The following LRBA variants were observed in gnomAD, a reference collection of about 807,000 sequenced individuals.
LRBA encodes lipopolysaccharide-responsive and beige-like anchor protein.
LRBA carries 176 observed loss-of-function variants against 330.0 expected under a neutral mutation model. The ratio of observed to expected loss-of-function variants is 0.53; its 90% CI spans 0.47 to 0.60. The LOEUF is 0.60. LRBA is among the 20% of genes least tolerant of loss of function. The probability of loss-of-function intolerance (pLI) is 0.00; values close to 1 mark genes in which losing one functional copy is unlikely to be tolerated. For missense variants in LRBA, 3,259 were observed against 3,444.8 expected (o/e 0.95, Z 1.35); for synonymous variants, 1,230 against 1,193.0 (o/e 1.03, Z -0.64).
At chr4:150,915,504 G>T in intron 8 of LRBA, 104 bp downstream of exon 8, 1 of 986,860 alleles carries the variant, frequency 1.0e-6, no homozygotes, top group Non-Finnish European at 1.5e-6. Context: ...ATCTACCATT[G>T]TAATACTTTG....
rs1386796285 is a variant in LRBA, at chr4:150,265,206, T to C, written c.*516A>G. On this transcript the variant is annotated 3_prime_UTR_variant, in exon 57 of 57. Coordinates refer to ENST00000651943, the MANE Select transcript of LRBA (RefSeq NM_001364905.1). ...GAACAATATTGATAGACAGACTTAA[T>C]TGAGATGTTTTAAATTACATTTACC... The C allele has an allele frequency of 6.4e-6, 1 of 155,182 alleles. No individual in the cohort carries two copies. Among genetic ancestry groups the C allele is most frequent in the Non-Finnish European group, 1.4e-5 (1 of 69,564 alleles). The allele number at this position is 155,182 out of a possible 1,614,324, so 9.6% of individuals were successfully genotyped here. A position where few individuals can be genotyped will look rare whatever the true frequency, so the allele number is the denominator to read the frequency against.
At chr4:150,437,224 A>G (rs1011288109) in intron 44 of LRBA, among the ~76,000 whole-genome samples, 2 of 152,082 alleles carry the variant, frequency 1.3e-5, no homozygotes, top group Admixed American at 6.6e-5. Context: ...GTTAATTAGA[A>G]GCAACAACCA....
intron 47 of LRBA, among the ~76,000 whole-genome samples, chr4:150,409,241 C>T (rs6849869): frequency 0.15 from 22,859 of 151,946 alleles, 1,723 homozygotes; most frequent in Middle Eastern, 0.17. Flanking sequence ...AGGTCCTTCC[C>T]GTACAGCATT....
At chr4:150,604,618 T>C (rs1221835943) in intron 37 of LRBA, among the ~76,000 whole-genome samples, 4 of 151,720 alleles carry the variant, frequency 2.6e-5, no homozygotes, top group Non-Finnish European at 5.9e-5. Flanking sequence ...ATAATAAGAA[T>C]TCAAAAAAGT....
chr4:150,753,203 C>A (rs1361367527), intron 35 of LRBA, among the ~76,000 whole-genome samples: 1 of 152,166 alleles, frequency 6.6e-6, no homozygotes, highest in Non-Finnish European at 1.5e-5. Flanking sequence ...TCTCATATCA[C>A]TTATCTCCTG....
At chr4:150,443,853 A>AAAAAAAAATAT (rs70941406) in intron 44 of LRBA, among the ~76,000 whole-genome samples, 1 of 75,482 alleles carries the variant, frequency 1.3e-5, no homozygotes, top group Non-Finnish European at 3.0e-5. Flanking sequence ...TAATTAAAAA[A>AAAAAAAAATAT]ATATATATAT....
intron 37 of LRBA, among the ~76,000 whole-genome samples, chr4:150,644,660 A>G (rs984665000): frequency 6.6e-6 from 1 of 152,048 alleles, no homozygotes; most frequent in African/African-American, 2.4e-5. Context: ...ATAATGTTCC[A>G]TTGTTGTTTA....
At chr4:150,880,436 C>T (rs1728235672) in intron 17 of LRBA, among the ~76,000 whole-genome samples, 1 of 151,520 alleles carries the variant, frequency 6.6e-6, no homozygotes, top group Non-Finnish European at 1.5e-5. Context: ...GGGAAGATCG[C>T]TTCAGATGCA....
At chr4:150,341,937 A>G (rs932935762) in intron 48 of LRBA, among the ~76,000 whole-genome samples, 1 of 151,518 alleles carries the variant, frequency 6.6e-6, no homozygotes, top group African/African-American at 2.4e-5. Flanking sequence ...ATGCCTATAG[A>G]TATGATTATA....
chr4:150,763,100 A>G (rs985362663), intron 34 of LRBA, among the ~76,000 whole-genome samples: 8 of 152,040 alleles, frequency 5.3e-5, no homozygotes, highest in Non-Finnish European at 1.0e-4. Context: ...TAGTATAACT[A>G]TGCTAACAGA....
intron 37 of LRBA, among the ~76,000 whole-genome samples, chr4:150,650,990 T>G (rs1007474550): frequency 6.6e-6 from 1 of 152,050 alleles, no homozygotes; most frequent in Non-Finnish European, 1.5e-5. Flanking sequence ...CTAAGAAAAT[T>G]TGTGGGGAGA....
intron 40 of LRBA, among the ~76,000 whole-genome samples, chr4:150,525,837 A>G (rs779598933): frequency 2.6e-5 from 4 of 152,162 alleles, no homozygotes; most frequent in African/African-American, 9.6e-5. Flanking sequence ...ACAGACATAC[A>G]TCTCTTTCCA....
chr4:150,879,063 A>G (rs1728079395), intron 17 of LRBA, among the ~76,000 whole-genome samples: 1 of 152,112 alleles, frequency 6.6e-6, no homozygotes, highest in African/African-American at 2.4e-5. Flanking sequence ...GCAGAGACAC[A>G]ACGAAAAAGA....
intron 37 of LRBA, among the ~76,000 whole-genome samples, chr4:150,620,296 C>CA (rs1321396071): frequency 6.6e-6 from 1 of 152,012 alleles, no homozygotes; most frequent in East Asian, 1.9e-4. Flanking sequence ...ATTAAAAAGT[C>CA]AAAAAACAGT....
intron 40 of LRBA, among the ~76,000 whole-genome samples, chr4:150,554,077 A>C (rs551523537): frequency 1.2e-4 from 19 of 152,312 alleles, no homozygotes; most frequent in African/African-American, 4.3e-4. Context: ...CAGGAGATAC[A>C]TGCAGGACAT....
At chr4:150,946,546 A>G (rs1280063670) in intron 2 of LRBA, among the ~76,000 whole-genome samples, 1 of 152,178 alleles carries the variant, frequency 6.6e-6, no homozygotes, top group Admixed American at 6.5e-5. Flanking sequence ...GAAGTCTCAA[A>G]TAAATTTTTT....
chr4:150,524,565 T>C (rs558305220), intron 40 of LRBA, among the ~76,000 whole-genome samples: 1 of 152,324 alleles, frequency 6.6e-6, no homozygotes, highest in Non-Finnish European at 1.5e-5. Context: ...TATACAGTTA[T>C]CTATCATGGG....
intron 37 of LRBA, among the ~76,000 whole-genome samples, chr4:150,605,031 T>C (rs1774491887): frequency 6.6e-6 from 1 of 152,162 alleles, no homozygotes; most frequent in Admixed American, 6.5e-5. Flanking sequence ...AATAATTAAG[T>C]ACATAAGAGA....
Position 150,849,497 on chromosome 4 carries a change from G to A in LRBA, c.4083C>T (p.Ile1361=), listed in dbSNP as rs2126908815. The A allele has an allele frequency of 6.2e-7, 1 of 1,612,878 alleles. No homozygotes were observed. Among genetic ancestry groups the A allele is most frequent in the South Asian group, 1.1e-5 (1 of 91,052 alleles). ...TGACCATATTGTCCATCACTTGAGA[G>A]ATGAGATGAATTGTGTTGTGTACAA... ...VIFVHNTIHL[I]SQVMDNMVMA... Residue 1361 remains isoleucine (I), a synonymous_variant, in exon 25 of 57, where the codon ATC becomes ATT. Transcript: ENST00000651943.
Sources: allele counts gnomAD v4.1 joint callset (sites outside exome capture counted in the v4.1 genomes callset), GRCh38; gene constraint gnomAD v4.1.1; transcripts MANE v1.5; gene names NCBI Gene and HGNC (gene_info 2026-07-23, HGNC 2026-07-21).